ROR2: variants seen among roughly 807,000 people sequenced by gnomAD.
The protein encoded by ROR2 is tyrosine-protein kinase transmembrane receptor ROR2.
ROR2 carries 33 observed loss-of-function variants against 74.9 expected under a neutral mutation model. The observed-to-expected ratio is 0.44, with a 90% confidence interval of 0.33 to 0.59. The LOEUF (loss-of-function observed/expected upper bound fraction) is 0.59, where lower values mean the gene tolerates loss of function less well. ROR2 is among the 20% of genes least tolerant of loss of function. ROR2 has a pLI of 0.02. For synonymous variants in ROR2, 586 were observed against 558.7 expected, an observed-to-expected ratio of 1.05 and a Z score of -0.69; for missense variants, 1,216 against 1,313.8, an observed-to-expected ratio of 0.93 and a Z score of 1.15.
Position 91,723,653 on chromosome 9 carries a change from T to C in ROR2, c.*9A>G, listed in dbSNP as rs1454576884. On this transcript the variant is annotated 3_prime_UTR_variant, in exon 9 of 9. Transcript: ENST00000375708. ...GCTTCTATCCCCGAACCCCGGGCCCTGGTGCCACTCAAGCTTCCAGCTGGA... is the reference window on the plus strand; with the variant it reads ...GCTTCTATCCCCGAACCCCGGGCCCCGGTGCCACTCAAGCTTCCAGCTGGA... The C allele has an allele frequency of 6.2e-7, 1 of 1,613,042 alleles. No homozygotes were observed. Among genetic ancestry groups the C allele is most frequent in the African/African-American group, 1.3e-5 (1 of 75,046 alleles).
intron 1 of ROR2, among the ~76,000 whole-genome samples, chr9:91,904,205 C>T (rs1830752946): frequency 6.6e-6 from 1 of 151,888 alleles, no homozygotes; most frequent in Admixed American, 6.6e-5. Context: ...CACACCCGGG[C>T]CCAGGTCATC....
intron 1 of ROR2, among the ~76,000 whole-genome samples, chr9:91,875,751 C>T (rs928592565): frequency 6.6e-6 from 1 of 152,150 alleles, no homozygotes; most frequent in Non-Finnish European, 1.5e-5. Flanking sequence ...AGTCAACAGA[C>T]ACATAGCACA....
At chr9:91,919,838 A>G (rs746072848) in intron 1 of ROR2, among the ~76,000 whole-genome samples, 12 of 152,150 alleles carry the variant, frequency 7.9e-5, no homozygotes, top group Non-Finnish European at 2.9e-5. Context: ...GCCCACCTTC[A>G]TGGAGGTGTC....
chr9:91,910,596 T>C lies in ROR2; in HGVS notation c.97+39271A>G, dbSNP rs148170186. On this transcript the variant is annotated intron_variant, in intron 1 of 8. Transcript: ENST00000375708. ...TCATACATCTAATAACAGGTTAATATCCAAACTACATAAAGAGAAGCATCA... is the reference window on the plus strand; with the variant it reads ...TCATACATCTAATAACAGGTTAATACCCAAACTACATAAAGAGAAGCATCA... 1.6e-4 allele frequency among the ~76,000 whole-genome samples: 24 copies of C among 151,922 alleles called. No individual in the cohort carries two copies. In the East Asian group the frequency reaches 4.4e-3, roughly 28 times the overall value.
intron 1 of ROR2, among the ~76,000 whole-genome samples, chr9:91,828,760 G>A (rs1288270853): frequency 6.6e-6 from 1 of 152,088 alleles, no homozygotes; most frequent in Non-Finnish European, 1.5e-5. Context: ...AATAGTAATT[G>A]CATCTTCTAC....
At chr9:91,862,935 A>T (rs1829515098) in intron 1 of ROR2, among the ~76,000 whole-genome samples, 2 of 152,280 alleles carry the variant, frequency 1.3e-5, no homozygotes, top group South Asian at 4.1e-4. Flanking sequence ...CTCCAAAGAA[A>T]ACACATAAAT....
At chr9:91,811,127 C>T (rs1404706350) in intron 1 of ROR2, among the ~76,000 whole-genome samples, 5 of 152,220 alleles carry the variant, frequency 3.3e-5, no homozygotes, top group African/African-American at 4.8e-5. Context: ...GAAGCAAATG[C>T]CCATACGAAT....
Position 91,733,301 on chromosome 9 carries a change from C to T in ROR2, c.758G>A (p.Arg253His). ...SRTPKPRELC[R>H]DECEVLESDL... is the part of the protein sequence containing the mutation. ...GCTCTCCAGCACCTCGCACTCGTCG[C>T]GGCACAGCTCACGCGGCTTGGGTGT... The change falls in exon 6 of 9, where the codon CGC becomes CAC. Residue 253 changes from arginine to histidine, a missense_variant. Coordinates refer to ENST00000375708, the MANE Select transcript of ROR2 (RefSeq NM_004560.4). The surrounding 1 kb of genome is among the most constrained non-coding windows in gnomAD (Gnocchi z 5.7). 2.5e-6 allele frequency: 4 copies of T among 1,612,756 alleles called. No homozygotes were observed. The highest frequency in any genetic ancestry group is 1.1e-5 in the South Asian group (1 of 90,940).
intron 1 of ROR2, among the ~76,000 whole-genome samples, chr9:91,846,522 G>A (rs112183196): frequency 2.6e-5 from 4 of 152,086 alleles, no homozygotes; most frequent in South Asian, 4.2e-4. Context: ...TGTTTAAGCC[G>A]CCCAGTCTCG....
rs201994918 is a variant in ROR2 at position 91,724,351 on chromosome 9, C to T, written c.2143G>A (p.Asp715Asn). Reference protein sequence around the residue: ...IRNRQVLPCPDDCPAWVYALM... With the variant: ...IRNRQVLPCPNDCPAWVYALM... ...GCATACACCCAGGCGGGACAGTCATCGGGGCAAGGCAGCACCTGCCGGTTC... is the reference window on the plus strand; with the variant it reads ...GCATACACCCAGGCGGGACAGTCATTGGGGCAAGGCAGCACCTGCCGGTTC... The change falls in exon 9 of 9, where the codon GAT becomes AAT. Residue 715 changes from aspartate to asparagine, a missense_variant. Coordinates refer to ENST00000375708, the MANE Select transcript of ROR2 (RefSeq NM_004560.4). 115 of 1,613,578 alleles carry T rather than the reference C, an allele frequency of 7.1e-5. No individual in the cohort carries two copies. The highest frequency in any genetic ancestry group is 1.2e-4 in the African/African-American group (9 of 75,056).
chr9:91,931,142 A>G (rs1316089634), intron 1 of ROR2, among the ~76,000 whole-genome samples: 1 of 152,222 alleles, frequency 6.6e-6, no homozygotes, highest in Non-Finnish European at 1.5e-5. Context: ...CTGAGGGAAA[A>G]TAAATATCAA....
chr9:91,864,880 T>C (rs994776653), intron 1 of ROR2, among the ~76,000 whole-genome samples: 1 of 152,230 alleles, frequency 6.6e-6, no homozygotes, highest in African/African-American at 2.4e-5. Context: ...CCCCTTTACA[T>C]CTTCCTTCTC....
At chr9:91,867,322 A>AG (rs1829663920) in intron 1 of ROR2, among the ~76,000 whole-genome samples, 1 of 152,134 alleles carries the variant, frequency 6.6e-6, no homozygotes, top group East Asian at 1.9e-4. Flanking sequence ...TCCAGTCCCC[A>AG]TCCAGTGATG....
intron 1 of ROR2, among the ~76,000 whole-genome samples, chr9:91,874,878 T>G (rs139677263): frequency 0.074 from 11,147 of 150,250 alleles, 525 homozygotes; most frequent in African/African-American, 0.13. Flanking sequence ...GAGGTTGCAG[T>G]GAGCTGAGAT....
chr9:91,780,493 G>T (rs1826580938), intron 1 of ROR2, among the ~76,000 whole-genome samples: 1 of 152,088 alleles, frequency 6.6e-6, no homozygotes, highest in African/African-American at 2.4e-5. Flanking sequence ...GCATCAACAA[G>T]ATAAGATTAA....
intron 1 of ROR2, among the ~76,000 whole-genome samples, chr9:91,946,669 C>T (rs1832021641): frequency 6.6e-6 from 1 of 152,218 alleles, no homozygotes. Context: ...GAAAGGATTA[C>T]AAAGAGTACA....
chr9:91,752,750 G>C (rs533532698), intron 4 of ROR2, among the ~76,000 whole-genome samples: 89 of 152,296 alleles, frequency 5.8e-4, no homozygotes, highest in Non-Finnish European at 1.1e-3. Context: ...GGAGGAGCAA[G>C]AATCATAAAC....
chr9:91,939,230 C>A (rs2118034156), intron 1 of ROR2, among the ~76,000 whole-genome samples: 1 of 151,494 alleles, frequency 6.6e-6, no homozygotes, highest in African/African-American at 2.4e-5. Context: ...AGCCTGGCGA[C>A]AAAGCGAGAC....
At chr9:91,938,301 ATTT>A (rs1240484110) in intron 1 of ROR2, among the ~76,000 whole-genome samples, 1 of 151,334 alleles carries the variant, frequency 6.6e-6, no homozygotes, top group Non-Finnish European at 1.5e-5. Context: ...TCTTACAAAA[ATTT>A]TTTTTTTAGT....
Sources: gnomAD v4.1 joint callset for allele counts (sites outside exome capture counted in the v4.1 genomes callset) on GRCh38, gnomAD v4.1.1 for gene constraint, Gnocchi (gnomAD v3.1) non-coding constraint, MANE v1.5 for transcripts, NCBI Gene and HGNC (gene_info 2026-07-23, HGNC 2026-07-21) for gene names.